B3GALNT2: variants seen among roughly 807,000 people sequenced by gnomAD.
B3GALNT2 encodes beta-1,3-N-acetylgalactosaminyltransferase 2.
A neutral mutation model predicts 61.1 loss-of-function variants in B3GALNT2; 53 were observed. The ratio of observed to expected loss-of-function variants is 0.87; its 90% CI spans 0.70 to 1.09. The LOEUF is 1.09. Ranked by LOEUF, B3GALNT2 falls within the 50% of genes least tolerant of loss-of-function variation. B3GALNT2 has a pLI of 0.00. For missense variants in B3GALNT2, 544 were observed against 623.0 expected, an observed-to-expected ratio of 0.87 and a Z score of 1.35; for synonymous variants, 223 against 237.4, an observed-to-expected ratio of 0.94 and a Z score of 0.56.
At position 235,484,454 on chromosome 1, in the gene B3GALNT2, C is replaced by T. The variant is rs1470108711; in HGVS notation, c.423G>A (p.Glu141=). 1.9e-6 allele frequency: 3 copies of T among 1,614,088 alleles called. No individual in the cohort carries two copies. Among genetic ancestry groups the T allele is most frequent in the Non-Finnish European group, 2.5e-6 (3 of 1,180,038 alleles). Residue 141 remains glutamate, a synonymous_variant, in exon 4 of 12, where the codon GAG becomes GAA. Transcript: ENST00000366600. The part of the protein sequence containing the change: ...LSEDTSSGLP[E]DRVVSVSFRV... ...GGAAACTCACGCTGACAACTCGATC[C>T]TCAGGCAGCCCCGATGAAGTGTCTT...
intron 5 of B3GALNT2, 27 bp from the exon 6 acceptor site, chr1:235,470,987 C>A: frequency 6.2e-7 from 1 of 1,609,772 alleles, no homozygotes; most frequent in South Asian, 1.1e-5. Flanking sequence ...AATAGTGAGT[C>A]AATTTCCTTA....
chr1:235,484,716 C>A (rs1684719919), intron 3 of B3GALNT2: 4 of 934,646 alleles, frequency 4.3e-6, no homozygotes, highest in Non-Finnish European at 6.0e-6. Flanking sequence ...ATAAAGTTTT[C>A]AGCCACATCT....
rs772808072 is a variant in B3GALNT2 at position 235,448,733 on chromosome 1, AATGGAGATTGTCTATT to A, written c.*1457_*1472del. The A allele has an allele frequency of 6.2e-7, 1 of 1,614,038 alleles. No homozygotes were observed. Among genetic ancestry groups the A allele is most frequent in the Non-Finnish European group, 8.5e-7 (1 of 1,179,924 alleles). ...GTCATTACAGTTTTATTCTGTGGAAAATGGAGATTGTCTATTAGTGCGATGGTGACAACCAACTAAT... is the reference window on the plus strand; with the variant it reads ...GTCATTACAGTTTTATTCTGTGGAAAAGTGCGATGGTGACAACCAACTAAT... On this transcript the variant is annotated 3_prime_UTR_variant, in exon 12 of 12. Transcript: ENST00000366600.
rs1683133142 is a variant in B3GALNT2, at chr1:235,455,678, C to T, written c.1032G>A (p.Val344=). ...GCAACAAATTGAAGCTCGTTGTTTC[C>T]ACAGTCCTGTTGACACAAAAGGGAT... ...AKLLNFYRWT[V]ETTSFNLLLK... The change falls in exon 9 of 12, where the codon GTG becomes GTA. Residue 344 remains valine (V), a synonymous_variant. Coordinates refer to ENST00000366600, the MANE Select transcript of B3GALNT2 (RefSeq NM_152490.5). 6.2e-7 allele frequency: 1 copy of T among 1,609,128 alleles called. No individual in the cohort carries two copies. Among genetic ancestry groups the T allele is most frequent in the Middle Eastern group, 1.7e-4 (1 of 6,050 alleles).
chr1:235,441,650 T>C, the B3GALNT2 span: 1 of 639,278 alleles, frequency 1.6e-6, no homozygotes, highest in South Asian at 1.8e-5. Flanking sequence ...AAGTGGTCGT[T>C]GTCCATCACT....
At chr1:235,477,121 T>C (rs1156410301) in intron 5 of B3GALNT2, among the ~76,000 whole-genome samples, 1 of 152,124 alleles carries the variant, frequency 6.6e-6, no homozygotes, top group East Asian at 1.9e-4. Context: ...TTCCCATCAT[T>C]AGTACCCACT....
At chr1:235,442,931 CTT>C (rs764983659), downstream of B3GALNT2, 21 of 1,613,632 alleles carry the variant, frequency 1.3e-5, no homozygotes, top group Middle Eastern at 3.3e-4. Context: ...ACCAGCCTGT[CTT>C]TTCCTTAAAC....
At chr1:235,454,415 G>A (rs907577376) in intron 9 of B3GALNT2, 100 bp from the exon 10 acceptor site, 2 of 1,161,320 alleles carry the variant, frequency 1.7e-6, no homozygotes, top group African/African-American at 1.6e-5. Flanking sequence ...GAATAAGCTT[G>A]TAGAAGTGAG....
downstream of B3GALNT2, among the ~76,000 whole-genome samples, chr1:235,445,580 G>A (rs888159583): frequency 2.0e-5 from 3 of 152,172 alleles, no homozygotes; most frequent in Non-Finnish European, 4.4e-5. Context: ...AGGCTGCAGT[G>A]AGCTGTGATT....
chr1:235,472,768 A>C (rs1290418627), intron 5 of B3GALNT2, among the ~76,000 whole-genome samples: 1 of 151,872 alleles, frequency 6.6e-6, no homozygotes, highest in Non-Finnish European at 1.5e-5. Flanking sequence ...GTTAAAATGA[A>C]GGGATAAAGT....
intron 7 of B3GALNT2, among the ~76,000 whole-genome samples, chr1:235,462,983 G>A (rs2102797934): frequency 6.6e-6 from 1 of 152,284 alleles, no homozygotes; most frequent in Admixed American, 6.5e-5. Flanking sequence ...CAGCCCAAAT[G>A]CCCATCAATC....
chr1:235,478,738 T>C (rs1045428300), intron 5 of B3GALNT2, among the ~76,000 whole-genome samples: 3 of 152,174 alleles, frequency 2.0e-5, no homozygotes, highest in African/African-American at 7.2e-5. Flanking sequence ...ATAGAGCACA[T>C]CAAAAGATGT....
rs1192853538 is a variant in B3GALNT2 at position 235,448,098 on chromosome 1, G to T, written c.*2108C>A. ...GTGATGGGCACCAGCTACTCAGGAGGCTGAGGCAGGAGAATTGTTTGAACC... is the reference window on the plus strand; with the variant it reads ...GTGATGGGCACCAGCTACTCAGGAGTCTGAGGCAGGAGAATTGTTTGAACC... On this transcript the variant is annotated 3_prime_UTR_variant, in exon 12 of 12. Coordinates refer to ENST00000366600, the MANE Select transcript of B3GALNT2 (RefSeq NM_152490.5). Among the ~76,000 whole-genome samples the T allele has an allele frequency of 1.3e-5, 2 of 151,928 alleles. No homozygotes were observed. Among genetic ancestry groups the T allele is most frequent in the African/African-American group, 2.4e-5 (1 of 41,360 alleles).
Position 235,460,716 on chromosome 1 carries a change from G to A in B3GALNT2, c.842-1930C>T, listed in dbSNP as rs116496856. On this transcript the variant is annotated intron_variant, in intron 7 of 11. Coordinates refer to ENST00000366600, the MANE Select transcript of B3GALNT2 (RefSeq NM_152490.5). ...AGCTTCCCAAGTAGCTGGTACTCCC[G>A]GCACCTGTCACCATACCCAGGAAAT... Among the ~76,000 whole-genome samples, 1,458 of 151,622 alleles carry A rather than the reference G, an allele frequency of 9.6e-3. 15 individuals carry two copies. Among genetic ancestry groups the A allele is most frequent in the Non-Finnish European group, 0.013 (866 of 67,912 alleles).
chr1:235,445,956 G>A (rs1434170071), downstream of B3GALNT2, among the ~76,000 whole-genome samples: 1 of 152,176 alleles, frequency 6.6e-6, no homozygotes, highest in African/African-American at 2.4e-5. Context: ...GCGCTGTCCA[G>A]TGTGGCTGCA....
chr1:235,444,676 G>A (rs977293639), downstream of B3GALNT2, among the ~76,000 whole-genome samples: 4 of 152,184 alleles, frequency 2.6e-5, no homozygotes, highest in Non-Finnish European at 5.9e-5. Flanking sequence ...AAGTGCTGGG[G>A]TTATAGGTGT....
intron 3 of B3GALNT2, among the ~76,000 whole-genome samples, chr1:235,485,669 C>A (rs1257651155): frequency 1.3e-5 from 2 of 152,194 alleles, no homozygotes; most frequent in African/African-American, 4.8e-5. Flanking sequence ...CAGGGAATAT[C>A]AGTGCTACTT....
Position 235,498,208 on chromosome 1 carries a change from A to C in B3GALNT2, c.113-3380T>G, listed in dbSNP as rs559136440. 2.1e-3 allele frequency among the ~76,000 whole-genome samples: 323 copies of C among 152,338 alleles called. 1 individual carries two copies. Among genetic ancestry groups the C allele is most frequent in the Admixed American group, 3.5e-3 (53 of 15,302 alleles). ...AAATACCTATGTAAGAATGTTGCTC[A>C]AATTTCTAGCTCCCTTTACCAATCT... On this transcript the variant is annotated intron_variant, in intron 1 of 11. Transcript: ENST00000366600.
chr1:235,502,334 T>C (rs934762445), intron 1 of B3GALNT2, among the ~76,000 whole-genome samples: 1 of 152,126 alleles, frequency 6.6e-6, no homozygotes, highest in Admixed American at 6.5e-5. Context: ...ACTTAGATTA[T>C]TAAAATATCG....
Sources: allele counts gnomAD v4.1 joint callset (sites outside exome capture counted in the v4.1 genomes callset), GRCh38; gene constraint gnomAD v4.1.1; transcripts MANE v1.5; gene names NCBI Gene and HGNC (gene_info 2026-07-23, HGNC 2026-07-21).